DIMT1: variants seen among roughly 807,000 people sequenced by gnomAD.
DIMT1 encodes the protein dimethyladenosine transferase.
A neutral mutation model predicts 43.2 loss-of-function variants in DIMT1; 36 were observed. The ratio of observed to expected loss-of-function variants is 0.83; its 90% CI spans 0.64 to 1.10. DIMT1 has a LOEUF of 1.10. Ranked by LOEUF, DIMT1 falls within the 50% of genes least tolerant of loss-of-function variation. The probability of loss-of-function intolerance (pLI) is 0.00; values close to 1 mark genes in which losing one functional copy is unlikely to be tolerated. For missense variants in DIMT1, 341 were observed against 385.3 expected (o/e 0.88, Z 0.96); for synonymous variants, 126 against 130.3 (o/e 0.97, Z 0.22).
At chr5:62,392,407 A>C (rs1580120326) in intron 9 of DIMT1, among the ~76,000 whole-genome samples, 173 bp from the exon 10 acceptor site, 1 of 152,172 alleles carries the variant, frequency 6.6e-6, no homozygotes, top group South Asian at 2.1e-4. Context: ...AAGTTGTTGA[A>C]TATTTAAACT....
chr5:62,403,742 G>A lies in DIMT1; in HGVS notation c.31C>T (p.Arg11Cys), dbSNP rs1325653754. 8 of 1,610,018 alleles carry A rather than the reference G, an allele frequency of 5.0e-6. No homozygotes were observed. Among genetic ancestry groups the A allele is most frequent in the Non-Finnish European group, 5.9e-6 (7 of 1,178,812 alleles). The change falls in exon 1 of 12, where the codon CGC (arginine) becomes TGC (cysteine). Residue 11 changes from arginine (R) to cysteine (C), a missense_variant. Transcript: ENST00000199320. MPKVKSGAIG[R>C]RRGRQEQRRE... Reference sequence around the variant, plus strand: ...CGCTGCTCCTGCCGCCCGCGGCGGCGGCCGATGGCCCCCGACTTGACCTTC... The same window carrying A: ...CGCTGCTCCTGCCGCCCGCGGCGGCAGCCGATGGCCCCCGACTTGACCTTC...
At chr5:62,397,958 A>G (rs1162265042) in intron 6 of DIMT1, among the ~76,000 whole-genome samples, 18 of 152,182 alleles carry the variant, frequency 1.2e-4, no homozygotes, top group Non-Finnish European at 2.6e-4. Context: ...TAAAGCATCA[A>G]TGATTTCACC....
At chr5:62,395,530 A>G (rs13156073) in intron 6 of DIMT1, among the ~76,000 whole-genome samples, 12,431 of 152,234 alleles carry the variant, frequency 0.082, 547 homozygotes, top group East Asian at 0.14. Flanking sequence ...GTTTCATGAA[A>G]CCATAATCAC....
At chr5:62,399,239 G>A (rs891312803) in intron 3 of DIMT1, among the ~76,000 whole-genome samples, 2 of 152,218 alleles carry the variant, frequency 1.3e-5, no homozygotes, top group African/African-American at 4.8e-5. Flanking sequence ...GGCTGAGACA[G>A]GCAGATCACC....
chr5:62,394,647 G>A, intron 6 of DIMT1, 40 bp from the exon 7 acceptor site: 2 of 1,608,738 alleles, frequency 1.2e-6, no homozygotes, highest in African/African-American at 1.3e-5. Flanking sequence ...AATGGTCATT[G>A]TCAACTATAA....
At chr5:62,389,142 T>C (rs1742174090) in intron 11 of DIMT1, 90 bp from the exon 12 acceptor site, 2 of 1,137,044 alleles carry the variant, frequency 1.8e-6, no homozygotes, top group African/African-American at 1.6e-5. Context: ...TACTAAAACA[T>C]GAATACAGCA....
Position 62,393,748 on chromosome 5 carries a change from C to CT in DIMT1, c.663+206dup, listed in dbSNP as rs371690239. On this transcript the variant is annotated intron_variant, in intron 8 of 11. Coordinates refer to ENST00000199320, the MANE Select transcript of DIMT1 (RefSeq NM_014473.4). ...TTTTCCTAGTTTTATTCCATTTTTTCTTTTTTTTTTTTGAGACTGGGTCTC... is the reference window on the plus strand; with the variant it reads ...TTTTCCTAGTTTTATTCCATTTTTTCTTTTTTTTTTTTTGAGACTGGGTCTC... 7.3e-3 allele frequency among the ~76,000 whole-genome samples: 1,065 copies of CT among 145,162 alleles called. 5 individuals carry two copies. Among genetic ancestry groups the CT allele is most frequent in the African/African-American group, 0.013 (532 of 39,924 alleles).
At chr5:62,403,563 C>T (rs555507931) in intron 1 of DIMT1, 131 bp downstream of exon 1, 94 of 1,155,528 alleles carry the variant, frequency 8.1e-5, no homozygotes, top group South Asian at 3.0e-4. Flanking sequence ...GGGGACCCAC[C>T]CCTGCCTTCC....
At chr5:62,389,841 CTT>C (rs1474208256) in intron 11 of DIMT1, among the ~76,000 whole-genome samples, 2 of 152,154 alleles carry the variant, frequency 1.3e-5, no homozygotes, top group Non-Finnish European at 2.9e-5. Context: ...TGCCCAATAA[CTT>C]TGAGGAAATT....
Position 62,403,187 on chromosome 5 carries a change from CG to C in DIMT1, c.153+85del, listed in dbSNP as rs1742769816. On this transcript the variant is annotated intron_variant, in intron 2 of 11. Transcript: ENST00000199320. ...AAATATTTACAGAGCATCTAATTTA[CG>C]GCAGGCAGACTTTCTGCGCTTATGT... is the stretch of plus-strand genomic sequence containing the variant. The C allele has an allele frequency of 4.2e-6, 5 of 1,190,486 alleles. No individual in the cohort carries two copies. In the East Asian group the frequency reaches 1.2e-4, roughly 29 times the overall value. The allele number at this position is 1,190,486 out of a possible 1,614,324, so 73.7% of individuals were successfully genotyped here. A position where few individuals can be genotyped will look rare whatever the true frequency, so the allele number is the denominator to read the frequency against.
intron 6 of DIMT1, among the ~76,000 whole-genome samples, chr5:62,396,447 G>A (rs1218907314): frequency 6.6e-6 from 1 of 152,136 alleles, no homozygotes; most frequent in Non-Finnish European, 1.5e-5. Context: ...AGTGGAGGCT[G>A]CAGTGAGTGC....
At position 62,396,679 on chromosome 5, in the gene DIMT1, A is replaced by G. The variant is rs180791778; in HGVS notation, c.446+1832T>C. 2.2e-4 allele frequency among the ~76,000 whole-genome samples: 34 copies of G among 152,284 alleles called. 1 individual carries two copies. In the East Asian group the frequency reaches 6.6e-3, roughly 29 times the overall value. Reference sequence around the variant, plus strand: ...CCCAGGAGTTACTCTGCTACATCTTAGCTAACTTTCTCAAAACACTCTTGT... The same window carrying G: ...CCCAGGAGTTACTCTGCTACATCTTGGCTAACTTTCTCAAAACACTCTTGT... On this transcript the variant is annotated intron_variant, in intron 6 of 11. Coordinates refer to ENST00000199320, the MANE Select transcript of DIMT1 (RefSeq NM_014473.4).
At position 62,388,674 on chromosome 5, in the gene DIMT1, G is replaced by A. The variant is rs1183218110; in HGVS notation, c.*336C>T. 1 of 214,122 alleles carries A rather than the reference G, an allele frequency of 4.7e-6. No homozygotes were observed. Among genetic ancestry groups the A allele is most frequent in the African/African-American group, 2.3e-5 (1 of 43,156 alleles). The allele number at this position is 214,122 out of a possible 1,614,324, so 13.3% of individuals were successfully genotyped here. Reference sequence around the variant, plus strand: ...GGAGGAACAGAGCTAAAGGCCTAAAGAAGGCCTTACAGTATATAACAGTAA... The same window carrying A: ...GGAGGAACAGAGCTAAAGGCCTAAAAAAGGCCTTACAGTATATAACAGTAA... On this transcript the variant is annotated 3_prime_UTR_variant, in exon 12 of 12. Coordinates refer to ENST00000199320, the MANE Select transcript of DIMT1 (RefSeq NM_014473.4).
chr5:62,394,152 T>A, intron 7 of DIMT1, 105 bp from the exon 8 acceptor site: 1 of 1,030,620 alleles, frequency 9.7e-7, no homozygotes, highest in Non-Finnish European at 1.5e-6. Flanking sequence ...CAAGGATGAA[T>A]TAAGCTAGAT....
rs573537339 is a variant in DIMT1 at position 62,398,787 on chromosome 5, G to A, written c.302+33C>T. ...AAAAAGAATGTTGTTTCATGAGATT[G>A]AAATGCACTTTAATTCTATTATGTA... On this transcript the variant is annotated intron_variant, in intron 4 of 11. Transcript: ENST00000199320. 13 of 1,613,636 alleles carry A rather than the reference G, an allele frequency of 8.1e-6. No homozygotes were observed. In the African/African-American group the frequency reaches 1.3e-4, roughly 17 times the overall value.
At chr5:62,391,848 T>C (rs1045088111) in intron 10 of DIMT1, 2 of 1,472,642 alleles carry the variant, frequency 1.4e-6, no homozygotes, top group African/African-American at 1.4e-5. Context: ...CACAATTATT[T>C]TAAGTTGTGC....
intron 8 of DIMT1, 137 bp downstream of exon 8, chr5:62,393,818 C>T (rs1190089489): frequency 1.9e-5 from 13 of 668,910 alleles, no homozygotes; most frequent in Non-Finnish European, 2.8e-5. Flanking sequence ...TACTTCAGCA[C>T]AGGGATGTGT....
chr5:62,387,307 C>A lies in DIMT1; in HGVS notation c.*1703G>T, dbSNP rs960287143. 1 of 152,084 alleles carries A rather than the reference C, an allele frequency of 6.6e-6. No individual in the cohort carries two copies. The highest frequency in any genetic ancestry group is 1.9e-4 in the East Asian group (1 of 5,204). 9.4% of individuals were successfully genotyped at this position (152,084 alleles called of 1,614,324 possible). ...GAAGAGGAAGGATGGAGAACTGTTA[C>A]AATTGACCTTGCAAAGGATATTTAA... On this transcript the variant is annotated 3_prime_UTR_variant, in exon 12 of 12. Transcript: ENST00000199320.
chr5:62,395,733 C>T (rs247257), intron 6 of DIMT1, among the ~76,000 whole-genome samples: 49,199 of 151,930 alleles, frequency 0.32, 8,158 homozygotes, highest in East Asian at 0.37. Flanking sequence ...GCTGGTGTGG[C>T]GGCACACACC....
Sources: allele counts gnomAD v4.1 joint callset (sites outside exome capture counted in the v4.1 genomes callset), GRCh38; gene constraint gnomAD v4.1.1; transcripts MANE v1.5; gene names NCBI Gene and HGNC (gene_info 2026-07-23, HGNC 2026-07-21).